Variants in MMD2 observed in about 807,000 individuals in gnomAD.
MMD2 encodes the protein monocyte to macrophage differentiation associated 2, also known as monocyte to macrophage differentiation factor 2.
Under a neutral mutation model 33.5 loss-of-function variants are expected in MMD2, and 30 were observed. The ratio of observed to expected loss-of-function variants is 0.90; its 90% confidence interval spans 0.67 to 1.22. The LOEUF (loss-of-function observed/expected upper bound fraction) is 1.22. Among genes scored for constraint, MMD2 ranks in the 50% most tolerant of loss-of-function variants. The probability of loss-of-function intolerance (pLI) is 0.00; values close to 1 mark genes in which losing one functional copy is unlikely to be tolerated. For synonymous variants in MMD2, 129 were observed against 123.0 expected, an observed-to-expected ratio of 1.05 and a Z score of -0.32; for missense variants, 364 against 325.4, an observed-to-expected ratio of 1.12 and a Z score of -0.91.
chr7:4,954,603 G>C (rs1786334757), intron 1 of MMD2, among the ~76,000 whole-genome samples: 1 of 151,956 alleles, frequency 6.6e-6, no homozygotes, highest in Admixed American at 6.6e-5. Flanking sequence ...ATTTTTTGTA[G>C]AGATGGGGTT....
chr7:4,915,540 G>C (rs552093413), intron 4 of MMD2, among the ~76,000 whole-genome samples: 1 of 152,052 alleles, frequency 6.6e-6, no homozygotes, highest in South Asian at 2.1e-4. Context: ...AGGAGTTCGA[G>C]AGCAGCCTGG....
rs1288504098 is a variant in MMD2, at chr7:4,907,598, G to A, written c.539C>T (p.Pro180Leu). 4.3e-6 allele frequency: 7 copies of A among 1,612,052 alleles called. No individual in the cohort carries two copies. The highest frequency in any genetic ancestry group is 5.9e-6 in the Non-Finnish European group (7 of 1,179,764). ...FFPALVILSM[P>L]NTEGIWELVT... Reference sequence around the variant, plus strand: ...CAGCTCCCAGATGCCCTCGGTGTTGGGCTGTCGGCAAGGACAAGGGTGGGG... The same window carrying A: ...CAGCTCCCAGATGCCCTCGGTGTTGAGCTGTCGGCAAGGACAAGGGTGGGG... The change falls in exon 7 of 7, where the codon CCC becomes CTC. Residue 180 changes from proline to leucine, a missense_variant and splice_region_variant. Coordinates refer to ENST00000401401, the MANE Select transcript of MMD2 (RefSeq NM_198403.4).
intron 3 of MMD2, 130 bp from the exon 4 acceptor site, chr7:4,916,209 A>T (rs1220360244): frequency 4.0e-6 from 3 of 750,132 alleles, no homozygotes; most frequent in Non-Finnish European, 4.5e-6. Flanking sequence ...TGTCCAGCCA[A>T]GACCCCTTGG....
intron 6 of MMD2, among the ~76,000 whole-genome samples, chr7:4,908,721 A>C (rs1035905483): frequency 2.4e-4 from 37 of 151,414 alleles, no homozygotes; most frequent in African/African-American, 9.0e-4. Context: ...ACATAGTGAA[A>C]CCCCATCTCT....
At chr7:4,903,832 CCT>C (rs1386995702), downstream of MMD2, among the ~76,000 whole-genome samples, 15 of 152,238 alleles carry the variant, frequency 9.9e-5, no homozygotes, top group African/African-American at 3.4e-4. Flanking sequence ...CTCCTGACTC[CCT>C]GAGGCATGAC....
intron 5 of MMD2, 61 bp from the exon 6 acceptor site, chr7:4,910,011 C>T: frequency 1.2e-6 from 2 of 1,613,956 alleles, no homozygotes; most frequent in South Asian, 1.1e-5. Flanking sequence ...AAACTGCACA[C>T]AGCTCCCTGT....
At chr7:4,905,616 G>A (rs560415374), downstream of MMD2, among the ~76,000 whole-genome samples, 7 of 152,194 alleles carry the variant, frequency 4.6e-5, no homozygotes, top group South Asian at 2.1e-4. The surrounding 1 kb of genome is among the most constrained non-coding windows in gnomAD (Gnocchi z 5.0). Flanking sequence ...ATGGTGCCAC[G>A]CCTTGGGAGG....
chr7:4,931,739 A>AT (rs1453841531), intron 1 of MMD2, among the ~76,000 whole-genome samples: 1 of 149,428 alleles, frequency 6.7e-6, no homozygotes, highest in Non-Finnish European at 1.5e-5. Flanking sequence ...TAATTTTTTA[A>AT]TTTTTTGTAG....
chr7:4,895,313 T>C, the MMD2 span, among the ~76,000 whole-genome samples: 2 of 152,218 alleles, frequency 1.3e-5, no homozygotes, highest in South Asian at 4.1e-4. Flanking sequence ...TGACCTCAGG[T>C]GATCCGCCCT....
At chr7:4,954,473 A>G (rs564054629) in intron 1 of MMD2, among the ~76,000 whole-genome samples, 1 of 152,010 alleles carries the variant, frequency 6.6e-6, no homozygotes, top group East Asian at 1.9e-4. Context: ...GCTGGAGTGC[A>G]GGAGCTCAGT....
chr7:4,944,370 G>A (rs1053449239), intron 1 of MMD2, among the ~76,000 whole-genome samples: 9 of 152,156 alleles, frequency 5.9e-5, no homozygotes, highest in African/African-American at 2.2e-4. Flanking sequence ...GGGAGCAAAG[G>A]TGGGTCTAGT....
chr7:4,915,494 CTT>C lies in MMD2; in HGVS notation c.365+509_365+510del, dbSNP rs546536602. ...GTGGCTCACACCTGTAATCCAAACA[CTT>C]TGGGAGGCTGAGGTGGGCAGATCAC... On this transcript the variant is annotated intron_variant, in intron 4 of 6. Coordinates refer to ENST00000401401, the MANE Select transcript of MMD2 (RefSeq NM_198403.4). 2.6e-4 allele frequency among the ~76,000 whole-genome samples: 40 copies of C among 151,362 alleles called. No individual in the cohort carries two copies. In the South Asian group the frequency reaches 8.0e-3, roughly 30 times the overall value.
chr7:4,942,759 C>T (rs964260591), intron 1 of MMD2, among the ~76,000 whole-genome samples: 9 of 151,764 alleles, frequency 5.9e-5, no homozygotes, highest in East Asian at 1.9e-4. Context: ...ACTACAGACA[C>T]GTGCCACCAC....
intron 1 of MMD2, among the ~76,000 whole-genome samples, chr7:4,957,258 T>G (rs949341499): frequency 6.6e-6 from 1 of 151,658 alleles, no homozygotes; most frequent in African/African-American, 2.4e-5. Flanking sequence ...GGCAGGAGGA[T>G]CGCTCAAGCC....
chr7:4,941,278 G>T (rs1227514924), intron 1 of MMD2, among the ~76,000 whole-genome samples: 4 of 152,212 alleles, frequency 2.6e-5, no homozygotes, highest in Non-Finnish European at 5.9e-5. Context: ...GTCCCAGGTT[G>T]GCAGGTCAGA....
chr7:4,914,798 G>A (rs1785099947), intron 4 of MMD2, among the ~76,000 whole-genome samples: 1 of 152,124 alleles, frequency 6.6e-6, no homozygotes, highest in South Asian at 2.1e-4. Context: ...GGGTATGGTG[G>A]CATGTGCCTG....
chr7:4,949,865 C>G (rs1312046078), intron 1 of MMD2, among the ~76,000 whole-genome samples: 4 of 152,100 alleles, frequency 2.6e-5, no homozygotes, highest in African/African-American at 9.7e-5. Flanking sequence ...CGTGAACAGG[C>G]TAAGACAATT....
intron 4 of MMD2, among the ~76,000 whole-genome samples, chr7:4,914,923 T>C (rs1171735858): frequency 6.7e-6 from 1 of 150,138 alleles, no homozygotes; most frequent in Non-Finnish European, 1.5e-5. Context: ...AGAACAAGAC[T>C]CCATCTCAAA....
At chr7:4,920,442 A>T in intron 2 of MMD2, 111 bp from the exon 3 acceptor site, 1 of 1,073,504 alleles carries the variant, frequency 9.3e-7, no homozygotes, top group Non-Finnish European at 1.4e-6. Context: ...GGCTCTTGAA[A>T]TGTGGTCAGT....
Sources: gnomAD v4.1 joint callset for allele counts (sites outside exome capture counted in the v4.1 genomes callset) on GRCh38, gnomAD v4.1.1 for gene constraint, Gnocchi (gnomAD v3.1) non-coding constraint, MANE v1.5 for transcripts, NCBI Gene and HGNC (gene_info 2026-07-23, HGNC 2026-07-21) for gene names.